The following DPP10 variants were observed in gnomAD, a reference collection of about 807,000 sequenced individuals.
The protein encoded by DPP10 is inactive dipeptidyl peptidase 10.
DPP10 carries 33 observed loss-of-function variants against 120.9 expected under a neutral mutation model. The observed-to-expected ratio is 0.27, with a 90% CI of 0.21 to 0.37. The LOEUF is 0.37. Among genes scored for constraint, DPP10 ranks in the 10% least tolerant of loss-of-function variants. DPP10 has a pLI of 1.00. For missense variants in DPP10, 816 were observed against 942.8 expected, an observed-to-expected ratio of 0.87 and a Z score of 1.76; for synonymous variants, 337 against 326.1, an observed-to-expected ratio of 1.03 and a Z score of -0.36.
chr2:114,916,367 G>C (rs1392663838), intron 1 of DPP10, among the ~76,000 whole-genome samples: 3 of 152,154 alleles, frequency 2.0e-5, no homozygotes, highest in African/African-American at 7.2e-5. Flanking sequence ...GGATCAGATG[G>C]ATTCACAGTC....
intron 1 of DPP10, among the ~76,000 whole-genome samples, chr2:114,443,915 CTCT>C (rs770995941): frequency 5.7e-4 from 86 of 152,134 alleles, no homozygotes; most frequent in Non-Finnish European, 9.3e-4. Flanking sequence ...TCAACAATGT[CTCT>C]TCTTCATGAA....
intron 1 of DPP10, among the ~76,000 whole-genome samples, chr2:115,028,908 A>G (rs2105227369): frequency 6.6e-6 from 1 of 152,172 alleles, no homozygotes; most frequent in Non-Finnish European, 1.5e-5. Flanking sequence ...CTTTCACAGA[A>G]TGGCTTCTTC....
chr2:114,899,384 A>G (rs2106634406), intron 1 of DPP10, among the ~76,000 whole-genome samples: 1 of 152,216 alleles, frequency 6.6e-6, no homozygotes, highest in South Asian at 2.1e-4. Flanking sequence ...AAACTGTTGT[A>G]CAACTATCAC....
At chr2:114,965,920 C>A (rs563481531) in intron 1 of DPP10, among the ~76,000 whole-genome samples, 1 of 128,552 alleles carries the variant, frequency 7.8e-6, no homozygotes, top group African/African-American at 2.9e-5. Flanking sequence ...GAGCCGAGAT[C>A]GCCCCACTGC....
chr2:115,265,898 C>A (rs1197237971), intron 1 of DPP10, among the ~76,000 whole-genome samples: 1 of 147,898 alleles, frequency 6.8e-6, no homozygotes, highest in Admixed American at 6.8e-5. Context: ...GAGCTCAGAT[C>A]ATGCCACTGC....
intron 1 of DPP10, among the ~76,000 whole-genome samples, chr2:114,680,743 T>C (rs1698974389): frequency 6.6e-6 from 1 of 151,966 alleles, no homozygotes; most frequent in Non-Finnish European, 1.5e-5. Context: ...GTTGTTTTCA[T>C]AGGCTATTCA....
intron 5 of DPP10, among the ~76,000 whole-genome samples, chr2:115,621,929 C>T (rs553921320): frequency 6.6e-6 from 1 of 152,282 alleles, no homozygotes; most frequent in African/African-American, 2.4e-5. Context: ...CCGCCTGTCT[C>T]AGCCTCCTAA....
chr2:115,715,929 G>A (rs904158992), intron 7 of DPP10, among the ~76,000 whole-genome samples: 1 of 152,102 alleles, frequency 6.6e-6, no homozygotes, highest in South Asian at 2.1e-4. Flanking sequence ...TTTCTGTTTT[G>A]TGTATCAATG....
intron 2 of DPP10, among the ~76,000 whole-genome samples, chr2:115,319,977 C>T (rs1471523839): frequency 6.6e-6 from 1 of 152,136 alleles, no homozygotes; most frequent in Non-Finnish European, 1.5e-5. Flanking sequence ...GTTCACACTT[C>T]TCAGTATTAT....
chr2:114,909,107 G>A (rs1349975361), intron 1 of DPP10, among the ~76,000 whole-genome samples: 2 of 151,748 alleles, frequency 1.3e-5, no homozygotes, highest in African/African-American at 4.8e-5. Context: ...TTTGGAATTT[G>A]AAATTTCTTC....
At chr2:115,405,099 A>G (rs1364623688) in intron 3 of DPP10, among the ~76,000 whole-genome samples, 2 of 152,200 alleles carry the variant, frequency 1.3e-5, no homozygotes, top group African/African-American at 4.8e-5. Flanking sequence ...GCAAAAGTCT[A>G]AAGTCCAAAG....
chr2:114,612,177 C>T (rs565342526), intron 1 of DPP10, among the ~76,000 whole-genome samples: 27 of 152,296 alleles, frequency 1.8e-4, no homozygotes, highest in African/African-American at 5.8e-4. Context: ...GCACGGATGG[C>T]ATCAAGGTAC....
chr2:115,196,119 A>G (rs1231655000), intron 1 of DPP10, among the ~76,000 whole-genome samples: 1 of 152,196 alleles, frequency 6.6e-6, no homozygotes, highest in Non-Finnish European at 1.5e-5. Flanking sequence ...TTTATTTATC[A>G]ATTGTGGACA....
chr2:114,837,037 C>T (rs1558794891), intron 1 of DPP10, among the ~76,000 whole-genome samples: 1 of 152,152 alleles, frequency 6.6e-6, no homozygotes, highest in East Asian at 1.9e-4. Flanking sequence ...TTCAAACACA[C>T]ATGCTCTAAA....
At chr2:115,728,456 A>G (rs1395930157) in intron 8 of DPP10, among the ~76,000 whole-genome samples, 1 of 152,154 alleles carries the variant, frequency 6.6e-6, no homozygotes, top group Non-Finnish European at 1.5e-5. Flanking sequence ...TGAGAATATA[A>G]AAATAAATCA....
At chr2:114,683,538 T>TCCTTCCTTCCTC (rs1553482758) in intron 1 of DPP10, among the ~76,000 whole-genome samples, 3 of 147,682 alleles carry the variant, frequency 2.0e-5, no homozygotes, top group African/African-American at 7.5e-5. Context: ...CTTCCTTCCT[T>TCCTTCCTTCCTC]CCTTCCTCCC....
intron 1 of DPP10, among the ~76,000 whole-genome samples, chr2:115,269,263 G>C (rs2059591850): frequency 6.6e-6 from 1 of 152,184 alleles, no homozygotes; most frequent in Non-Finnish European, 1.5e-5. Context: ...AATAACAGAA[G>C]CTACCATCTA....
intron 11 of DPP10, among the ~76,000 whole-genome samples, chr2:115,756,957 C>T (rs1486048147): frequency 6.6e-6 from 1 of 152,082 alleles, no homozygotes; most frequent in African/African-American, 2.4e-5. Flanking sequence ...AACCTACTCC[C>T]ATAATAAAGA....
At chr2:115,417,554 T>C (rs80275369) in intron 3 of DPP10, among the ~76,000 whole-genome samples, 16,212 of 152,206 alleles carry the variant, frequency 0.11, 1,000 homozygotes, top group African/African-American at 0.16. Context: ...CTTTTGATTC[T>C]TATTACAGTG....
Sources: gnomAD v4.1 joint callset for allele counts (sites outside exome capture counted in the v4.1 genomes callset) on GRCh38, gnomAD v4.1.1 for gene constraint, MANE v1.5 for transcripts, NCBI Gene and HGNC (gene_info 2026-07-23, HGNC 2026-07-21) for gene names.